The following ABCA5 variants were observed in gnomAD, a reference collection of about 807,000 sequenced individuals.
ABCA5 encodes the protein ATP binding cassette subfamily A member 5.
A neutral mutation model predicts 206.0 loss-of-function variants in ABCA5; 163 were observed. That is an observed-to-expected ratio of 0.79 (90% CI 0.70 to 0.90). The LOEUF (loss-of-function observed/expected upper bound fraction) is 0.90, where lower values mean the gene tolerates loss of function less well. Among genes scored for constraint, ABCA5 ranks in the 40% least tolerant of loss-of-function variants. ABCA5 has a pLI of 0.00. For missense variants in ABCA5, 1,859 were observed against 1,912.9 expected, an observed-to-expected ratio of 0.97 and a Z score of 0.53; for synonymous variants, 609 against 613.8, an observed-to-expected ratio of 0.99 and a Z score of 0.11.
At chr17:69,279,987 T>G (rs1225829918) in intron 18 of ABCA5, among the ~76,000 whole-genome samples, 4 of 152,056 alleles carry the variant, frequency 2.6e-5, no homozygotes, top group Non-Finnish European at 5.9e-5. Context: ...GGACTTCCTG[T>G]CTAAAACACC....
At chr17:69,303,304 G>A (rs1209633046) in intron 7 of ABCA5, among the ~76,000 whole-genome samples, 1 of 151,882 alleles carries the variant, frequency 6.6e-6, no homozygotes, top group East Asian at 1.9e-4. Context: ...TTTTTGTAGA[G>A]ACAGGGTTTC....
chr17:69,289,397 A>G, intron 13 of ABCA5, 101 bp from the exon 14 acceptor site: 3 of 934,716 alleles, frequency 3.2e-6, no homozygotes, highest in Non-Finnish European at 4.3e-6. Context: ...TGTGTTAGAT[A>G]TTTAAGTAAC....
intron 9 of ABCA5, 150 bp from the exon 10 acceptor site, chr17:69,297,509 A>G: frequency 1.6e-6 from 1 of 619,488 alleles, no homozygotes. Flanking sequence ...TACACAATAA[A>G]TATATACAAT....
intron 11 of ABCA5, among the ~76,000 whole-genome samples, chr17:69,292,875 G>C (rs1347891537): frequency 2.6e-5 from 4 of 152,080 alleles, no homozygotes; most frequent in Non-Finnish European, 5.9e-5. Context: ...CAAAGGTCTT[G>C]AAACAAAAAT....
intron 18 of ABCA5, among the ~76,000 whole-genome samples, chr17:69,281,284 T>C (rs183628822): frequency 6.6e-6 from 1 of 151,498 alleles, no homozygotes; most frequent in Admixed American, 6.6e-5. Flanking sequence ...TTAATTTAGA[T>C]AATAATATAA....
chr17:69,306,996 T>C lies in ABCA5; in HGVS notation c.559-42A>G, dbSNP rs376720737. On this transcript the variant is annotated intron_variant, in intron 5 of 38. Transcript: ENST00000392676. ...TAAATACATCAAATTAATTTAGTTA[T>C]GATAGCAGCCCCTAGTAAAACGGGA... 4.3e-6 allele frequency: 6 copies of C among 1,398,512 alleles called. No homozygotes were observed. In the African/African-American group the frequency reaches 7.4e-5, roughly 17 times the overall value. The allele number at this position is 1,398,512 out of a possible 1,614,324, so 86.6% of individuals were successfully genotyped here. A position where few individuals can be genotyped will look rare whatever the true frequency, so the allele number is the denominator to read the frequency against.
At position 69,309,254 on chromosome 17, in the gene ABCA5, C is replaced by G; in HGVS notation, c.469+8G>C. 1 of 1,547,916 alleles carries G rather than the reference C, an allele frequency of 6.5e-7. No homozygotes were observed. The highest frequency in any genetic ancestry group is 8.7e-7 in the Non-Finnish European group (1 of 1,153,580). ...ATTGATCTTCAATGATTATGTAGGG[C>G]TATTTACCTCTTGAATCCATATAAA... On this transcript the variant is annotated splice_region_variant and intron_variant, in intron 4 of 38. Transcript: ENST00000392676.
chr17:69,253,164 C>T (rs140107920), intron 34 of ABCA5, among the ~76,000 whole-genome samples: 1 of 152,240 alleles, frequency 6.6e-6, no homozygotes, highest in African/African-American at 2.4e-5. Context: ...ACAACGACAA[C>T]ATCACCTTTC....
At chr17:69,293,875 T>TGTGTGC (rs1555582034) in intron 11 of ABCA5, among the ~76,000 whole-genome samples, 1 of 114,058 alleles carries the variant, frequency 8.8e-6, no homozygotes, top group Admixed American at 1.1e-4. Flanking sequence ...TGTGTGTGCG[T>TGTGTGC]GTGTGTGTGT....
At chr17:69,284,876 G>A (rs182953991) in intron 17 of ABCA5, among the ~76,000 whole-genome samples, 47 of 152,230 alleles carry the variant, frequency 3.1e-4, no homozygotes, top group African/African-American at 1.1e-3. Flanking sequence ...AGGTCTTACG[G>A]TCCATCCTAC....
chr17:69,292,420 T>C (rs562035841), intron 11 of ABCA5, among the ~76,000 whole-genome samples: 1 of 152,326 alleles, frequency 6.6e-6, no homozygotes, highest in African/African-American at 2.4e-5. Context: ...TGGTAACATA[T>C]AGAAATACAA....
intron 7 of ABCA5, among the ~76,000 whole-genome samples, chr17:69,303,793 T>TATATATATATATATAC (rs2075679290): frequency 2.2e-4 from 1 of 4,488 alleles, no homozygotes; most frequent in African/African-American, 2.8e-4. Context: ...AAAATATATA[T>TATATATATATATATAC]ATATATATAT....
At chr17:69,285,159 CTAA>C (rs1317634260) in intron 17 of ABCA5, among the ~76,000 whole-genome samples, 3 of 152,030 alleles carry the variant, frequency 2.0e-5, no homozygotes, top group African/African-American at 7.2e-5. Flanking sequence ...ATGAAATAAA[CTAA>C]TAATTGCAAA....
rs138252135 is a variant in ABCA5, at chr17:69,261,172, T to C, written c.3517A>G (p.Ile1173Val). 1.7e-4 allele frequency: 276 copies of C among 1,605,502 alleles called. No individual in the cohort carries two copies. In the African/African-American group the frequency reaches 2.9e-3, roughly 17 times the overall value. ...CCTAGAAGTGGATAGATTGGAATGA[T>C]GATACAAAAGGCATAATGAAGAATA... ...ATILHYAFCI[I>V]IPIYPLLGCL... The change falls in exon 26 of 39, where the codon ATC (isoleucine) becomes GTC (valine). Residue 1173 changes from isoleucine (I) to valine (V), a missense_variant. By Grantham distance (29) the Ile-to-Val change is conservative. Transcript: ENST00000392676.
intron 18 of ABCA5, among the ~76,000 whole-genome samples, chr17:69,281,428 A>G (rs188884855): frequency 4.6e-5 from 7 of 152,308 alleles, no homozygotes; most frequent in Admixed American, 3.3e-4. Flanking sequence ...CACTTTCAAT[A>G]TAAAAGTTTT....
intron 28 of ABCA5, 23 bp from the exon 29 acceptor site, chr17:69,256,306 A>G (rs2075078994): frequency 6.9e-7 from 1 of 1,454,588 alleles, no homozygotes; most frequent in Non-Finnish European, 9.2e-7. Context: ...AATAAATATA[A>G]AAGACAGTAG....
At chr17:69,259,019 G>C (rs571798796) in intron 28 of ABCA5, among the ~76,000 whole-genome samples, 1 of 151,960 alleles carries the variant, frequency 6.6e-6, no homozygotes, top group South Asian at 2.1e-4. Context: ...GTGTAAAATG[G>C]TATTACCACT....
intron 23 of ABCA5, among the ~76,000 whole-genome samples, chr17:69,266,198 A>G (rs1400713783): frequency 2.0e-5 from 3 of 152,198 alleles, no homozygotes; most frequent in Non-Finnish European, 2.9e-5. Flanking sequence ...GCCATTTTAC[A>G]TTTTTGAACT....
Position 69,320,180 on chromosome 17 carries a change from A to C in ABCA5, c.-15-5750T>G, listed in dbSNP as rs575993842. On this transcript the variant is annotated intron_variant, in intron 1 of 38. Coordinates refer to ENST00000392676, the MANE Select transcript of ABCA5 (RefSeq NM_172232.4). ...CCTTAAAAGAGTAATAGAGAATATC[A>C]TATTCTTGGAACAAGAGAAAGATAA... Among the ~76,000 whole-genome samples the C allele has an allele frequency of 8.9e-4, 135 of 152,338 alleles. 3 individuals are homozygous for C. Among genetic ancestry groups the C allele is most frequent in the Non-Finnish European group, 4.3e-4 (29 of 68,020 alleles).
Sources: allele counts gnomAD v4.1 joint callset (sites outside exome capture counted in the v4.1 genomes callset), GRCh38; gene constraint gnomAD v4.1.1; transcripts MANE v1.5; gene names NCBI Gene and HGNC (gene_info 2026-07-23, HGNC 2026-07-21).